The following PTPRE variants were observed in gnomAD, a reference collection of about 807,000 sequenced individuals.
PTPRE encodes the protein receptor-type tyrosine-protein phosphatase epsilon.
Under a neutral mutation model 102.0 loss-of-function variants are expected in PTPRE, and 51 were observed. That is an observed-to-expected ratio of 0.50 (90% CI 0.40 to 0.63). PTPRE has a LOEUF of 0.63. Ranked by LOEUF, PTPRE falls within the 30% of genes least tolerant of loss-of-function variation. The pLI is 0.00. For missense variants in PTPRE, 752 were observed against 915.1 expected (o/e 0.82, Z 2.30); for synonymous variants, 345 against 348.2 (o/e 0.99, Z 0.10).
intron 7 of PTPRE, among the ~76,000 whole-genome samples, chr10:128,057,134 T>G (rs535709028): frequency 2.8e-4 from 43 of 152,052 alleles, no homozygotes; most frequent in Non-Finnish European, 5.3e-4. Flanking sequence ...GGAGAATCTC[T>G]TGAACCTGGG....
At chr10:127,961,301 G>A (rs917583487) in intron 1 of PTPRE, among the ~76,000 whole-genome samples, 5 of 152,094 alleles carry the variant, frequency 3.3e-5, no homozygotes, top group Non-Finnish European at 7.4e-5. Context: ...TCCCCTTTTT[G>A]GAGCAGGGTT....
chr10:127,920,776 A>G (rs1846539594), intron 1 of PTPRE, among the ~76,000 whole-genome samples: 2 of 152,240 alleles, frequency 1.3e-5, no homozygotes, highest in Admixed American at 1.3e-4. Flanking sequence ...GTTGACTTAC[A>G]AAACTGAAAG....
chr10:128,077,367 C>T (rs1374505332), intron 18 of PTPRE, among the ~76,000 whole-genome samples: 2 of 152,242 alleles, frequency 1.3e-5, no homozygotes, highest in African/African-American at 2.4e-5. Context: ...GCAGTCCTCA[C>T]AGGGATCCAG....
intron 20 of PTPRE, among the ~76,000 whole-genome samples, chr10:128,080,736 C>A (rs1048575824): frequency 6.6e-6 from 1 of 152,216 alleles, no homozygotes; most frequent in South Asian, 2.1e-4. Context: ...TGGCTGTCAT[C>A]TGTGCTCTCT....
At chr10:128,002,984 G>A (rs1218226514) in intron 2 of PTPRE, among the ~76,000 whole-genome samples, 2 of 152,190 alleles carry the variant, frequency 1.3e-5, no homozygotes, top group Non-Finnish European at 2.9e-5. Flanking sequence ...ATGAGCCACT[G>A]TGCCTGGCCT....
At chr10:127,912,527 A>G (rs1359291283) in intron 1 of PTPRE, among the ~76,000 whole-genome samples, 2 of 150,446 alleles carry the variant, frequency 1.3e-5, no homozygotes, top group Non-Finnish European at 1.5e-5. Flanking sequence ...ATGTTTGAAG[A>G]AAAAAAAAAG....
At chr10:128,030,469 T>G (rs1162982451) in intron 2 of PTPRE, among the ~76,000 whole-genome samples, 1 of 152,048 alleles carries the variant, frequency 6.6e-6, no homozygotes, top group African/African-American at 2.4e-5. Flanking sequence ...ACCAGCTGGG[T>G]CTTCAGGCTC....
chr10:128,041,018 C>G (rs1438777682), intron 3 of PTPRE, 28 bp downstream of exon 3: 4 of 1,588,028 alleles, frequency 2.5e-6, no homozygotes, highest in Non-Finnish European at 3.5e-6. Context: ...TGGCTGCCTC[C>G]CCTACTACCT....
chr10:127,978,543 T>A (rs1232449096), intron 1 of PTPRE, among the ~76,000 whole-genome samples: 2 of 146,510 alleles, frequency 1.4e-5, no homozygotes, highest in Non-Finnish European at 3.0e-5. Flanking sequence ...CCTCTCTCAG[T>A]TTAAGAAAAA....
At chr10:128,040,547 T>C (rs1253625455) in intron 2 of PTPRE, among the ~76,000 whole-genome samples, 2 of 151,956 alleles carry the variant, frequency 1.3e-5, no homozygotes, top group East Asian at 3.9e-4. Flanking sequence ...CCAGATGTGA[T>C]TTCTGCTAAG....
At chr10:128,034,322 A>AC (rs1215235204) in intron 2 of PTPRE, among the ~76,000 whole-genome samples, 3 of 144,548 alleles carry the variant, frequency 2.1e-5, no homozygotes, top group Admixed American at 6.8e-5. Flanking sequence ...TCCCCTCCAC[A>AC]CCACCCCCCC....
chr10:128,029,394 C>T (rs1278777840), intron 2 of PTPRE, among the ~76,000 whole-genome samples: 6 of 152,200 alleles, frequency 3.9e-5, no homozygotes, highest in Non-Finnish European at 8.8e-5. Context: ...TGGGTGTCAG[C>T]ACTAAAGACC....
At chr10:128,009,825 A>G (rs1844829985) in intron 2 of PTPRE, among the ~76,000 whole-genome samples, 1 of 152,246 alleles carries the variant, frequency 6.6e-6, no homozygotes, top group Non-Finnish European at 1.5e-5. Flanking sequence ...CTCGTTTCAT[A>G]TGAAGACAAC....
chr10:127,980,821 T>A (rs1851552560), intron 1 of PTPRE, among the ~76,000 whole-genome samples: 1 of 152,208 alleles, frequency 6.6e-6, no homozygotes, highest in South Asian at 2.1e-4. Context: ...TGATATGATT[T>A]AAAATATCTA....
At chr10:128,001,034 T>C (rs954836623) in intron 2 of PTPRE, among the ~76,000 whole-genome samples, 3 of 152,206 alleles carry the variant, frequency 2.0e-5, no homozygotes, top group Non-Finnish European at 2.9e-5. Context: ...CTCTCAACAT[T>C]TGCTGTATTT....
At chr10:127,910,764 T>C (rs1454524265) in intron 1 of PTPRE, among the ~76,000 whole-genome samples, 1 of 152,210 alleles carries the variant, frequency 6.6e-6, no homozygotes, top group African/African-American at 2.4e-5. Context: ...CAACATCTAA[T>C]GCTGTGCATT....
At chr10:127,923,440 G>A (rs189837021) in intron 1 of PTPRE, among the ~76,000 whole-genome samples, 2 of 110,966 alleles carry the variant, frequency 1.8e-5, no homozygotes, top group South Asian at 2.9e-4. Context: ...ATTTTGCTCT[G>A]TTGCCCAGGC....
At chr10:128,045,480 G>T (rs1448956510) in intron 3 of PTPRE, among the ~76,000 whole-genome samples, 1 of 152,198 alleles carries the variant, frequency 6.6e-6, no homozygotes, top group South Asian at 2.1e-4. Flanking sequence ...CATTGCCTGG[G>T]GCCCCGGGAG....
intron 1 of PTPRE, among the ~76,000 whole-genome samples, chr10:127,926,968 C>T (rs1305143331): frequency 2.6e-5 from 4 of 151,872 alleles, no homozygotes; most frequent in African/African-American, 9.7e-5. Flanking sequence ...TGCACCACCA[C>T]ACCTGACTAA....
Sources: gnomAD v4.1 joint callset for allele counts (sites outside exome capture counted in the v4.1 genomes callset) on GRCh38, gnomAD v4.1.1 for gene constraint, MANE v1.5 for transcripts, NCBI Gene and HGNC (gene_info 2026-07-23, HGNC 2026-07-21) for gene names.